The following CTXND2 variants were observed in gnomAD, a reference collection of about 807,000 sequenced individuals.
The protein encoded by CTXND2 is cortexin domain containing 2.
chr1:150,894,038 G>A (rs1234305943), intron 1 of CTXND2, among the ~76,000 whole-genome samples: 1 of 151,402 alleles, frequency 6.6e-6, no homozygotes, highest in Non-Finnish European at 1.5e-5. Flanking sequence ...GGCTGGTCTC[G>A]AACTCCTGGA....
At chr1:150,898,887 G>A (rs1380542973) in intron 1 of CTXND2, among the ~76,000 whole-genome samples, 5 of 146,246 alleles carry the variant, frequency 3.4e-5, no homozygotes, top group African/African-American at 1.0e-4. Flanking sequence ...ACCATCCTGG[G>A]TAACACAGTG....
At chr1:150,900,179 T>C (rs1253387155) in intron 1 of CTXND2, among the ~76,000 whole-genome samples, 2 of 152,164 alleles carry the variant, frequency 1.3e-5, no homozygotes, top group Non-Finnish European at 2.9e-5. Context: ...GGGTCTGCAC[T>C]ACCTTTATGA....
intron 1 of CTXND2, chr1:150,903,914 G>T (rs1325033754): frequency 4.7e-6 from 3 of 639,180 alleles, no homozygotes; most frequent in African/African-American, 1.8e-5. Context: ...TGTTGAGAAA[G>T]GCAAGAAGAT....
intron 1 of CTXND2, among the ~76,000 whole-genome samples, chr1:150,898,194 T>TC (rs1239420136): frequency 6.6e-6 from 1 of 152,032 alleles, no homozygotes; most frequent in African/African-American, 2.4e-5. Flanking sequence ...CAGGGCACTT[T>TC]CTCTCATGAT....
chr1:150,901,338 A>G (rs1669026706), intron 1 of CTXND2, among the ~76,000 whole-genome samples: 1 of 152,362 alleles, frequency 6.6e-6, no homozygotes, highest in South Asian at 2.1e-4. Context: ...CTCTATAGAT[A>G]GAAGACACAC....
At chr1:150,903,865 G>A (rs1430767635) in intron 1 of CTXND2, 4 of 560,854 alleles carry the variant, frequency 7.1e-6, no homozygotes, top group Non-Finnish European at 1.4e-5. Context: ...GGTAACCTAC[G>A]TTGCACCAGT....
chr1:150,904,061 A>G (rs1011642978), intron 1 of CTXND2: 1 of 662,164 alleles, frequency 1.5e-6, no homozygotes, highest in African/African-American at 1.8e-5. Context: ...CAATAAGAAC[A>G]AAGGCATCAT....
At chr1:150,899,742 G>C (rs190583331) in intron 1 of CTXND2, among the ~76,000 whole-genome samples, 136 of 152,286 alleles carry the variant, frequency 8.9e-4, no homozygotes, top group Non-Finnish European at 1.3e-3. Context: ...CAGATTACTT[G>C]AGGTCAGGAG....
intron 1 of CTXND2, among the ~76,000 whole-genome samples, chr1:150,895,963 A>C (rs990456136): frequency 6.6e-6 from 1 of 152,160 alleles, no homozygotes; most frequent in African/African-American, 2.4e-5. Context: ...CTCCCTGGCT[A>C]TGGTTCCTGA....
At chr1:150,899,882 G>A (rs1227297246) in intron 1 of CTXND2, among the ~76,000 whole-genome samples, 1 of 152,158 alleles carries the variant, frequency 6.6e-6, no homozygotes, top group Non-Finnish European at 1.5e-5. Context: ...GAACTTTTCT[G>A]TCTAGCTAAA....
intron 1 of CTXND2, among the ~76,000 whole-genome samples, chr1:150,894,635 T>C (rs960134044): frequency 6.6e-6 from 1 of 152,230 alleles, no homozygotes; most frequent in Non-Finnish European, 1.5e-5. Flanking sequence ...TGTGGTAAAG[T>C]CTGGACTTTC....
intron 1 of CTXND2, among the ~76,000 whole-genome samples, chr1:150,906,393 G>A (rs1323560032): frequency 6.6e-6 from 1 of 152,112 alleles, no homozygotes; most frequent in East Asian, 1.9e-4. Flanking sequence ...TTTGTGATGA[G>A]AAGCAAAGAT....
chr1:150,910,294 T>C (rs944179773), intron 1 of CTXND2, among the ~76,000 whole-genome samples: 14 of 150,118 alleles, frequency 9.3e-5, no homozygotes, highest in South Asian at 2.2e-4. Flanking sequence ...CACACCCAGC[T>C]AATTTTTATA....
intron 1 of CTXND2, among the ~76,000 whole-genome samples, chr1:150,906,965 C>G (rs1294590128): frequency 6.6e-6 from 1 of 152,072 alleles, no homozygotes; most frequent in African/African-American, 2.4e-5. Context: ...CTGAAACCAC[C>G]AGATCTAACC....
intron 1 of CTXND2, among the ~76,000 whole-genome samples, chr1:150,908,187 G>A (rs1005387604): frequency 1.3e-5 from 2 of 151,460 alleles, no homozygotes; most frequent in Non-Finnish European, 1.5e-5. Flanking sequence ...ATTTTCTGTA[G>A]AGAGGAAGGT....
chr1:150,898,800 G>A (rs1233939777), intron 1 of CTXND2, among the ~76,000 whole-genome samples: 3 of 148,566 alleles, frequency 2.0e-5, no homozygotes, highest in Non-Finnish European at 3.0e-5. Flanking sequence ...CGGGGGGCCC[G>A]GGCACGGTGG....
chr1:150,896,829 C>T (rs1201022152), intron 1 of CTXND2, among the ~76,000 whole-genome samples: 1 of 152,118 alleles, frequency 6.6e-6, no homozygotes, highest in Non-Finnish European at 1.5e-5. Flanking sequence ...TCCCTACTCT[C>T]ATAAAGGATT....
At chr1:150,893,134 G>T (rs1183080392) in intron 1 of CTXND2, among the ~76,000 whole-genome samples, 5 of 152,046 alleles carry the variant, frequency 3.3e-5, no homozygotes, top group Non-Finnish European at 7.4e-5. Context: ...CATTGTAAAT[G>T]ATGCTTTTTT....
At chr1:150,887,255 G>A (rs1668786543) in exon 1 of CTXND2, 1 of 152,226 alleles carries the variant, frequency 6.6e-6, no homozygotes, top group Non-Finnish European at 1.5e-5. Context: ...ATGTACTTGA[G>A]TAGGAGGAGA....
Sources: allele counts gnomAD v4.1 joint callset (sites outside exome capture counted in the v4.1 genomes callset), GRCh38; gene constraint gnomAD v4.1.1; transcripts MANE v1.5; gene names NCBI Gene and HGNC (gene_info 2026-07-23, HGNC 2026-07-21).